GLRA1: variants seen among roughly 807,000 people sequenced by gnomAD.
The protein encoded by GLRA1 is glycine receptor subunit alpha-1.
A neutral mutation model predicts 48.3 loss-of-function variants in GLRA1; 37 were observed. The observed-to-expected ratio is 0.77, with a 90% CI of 0.59 to 1.01. The LOEUF is 1.01. Among genes scored for constraint, GLRA1 ranks in the 50% least tolerant of loss-of-function variants. The probability of loss-of-function intolerance (pLI) is 0.00; values close to 1 mark genes in which losing one functional copy is unlikely to be tolerated. For missense variants in GLRA1, 427 were observed against 571.0 expected (o/e 0.75, Z 2.57); for synonymous variants, 196 against 210.7 (o/e 0.93, Z 0.60).
intron 3 of GLRA1, among the ~76,000 whole-genome samples, chr5:151,878,850 A>G (rs1753691199): frequency 6.6e-6 from 1 of 152,230 alleles, no homozygotes; most frequent in Admixed American, 6.5e-5. Context: ...AGTCTGCTGC[A>G]GGGGTGGGGC....
intron 4 of GLRA1, among the ~76,000 whole-genome samples, chr5:151,858,735 T>C (rs1753114780): frequency 6.6e-6 from 1 of 151,038 alleles, no homozygotes; most frequent in African/African-American, 2.4e-5. Context: ...GTACAGCCTC[T>C]CCCACAGGCC....
chr5:151,874,085 A>G (rs1403258111), intron 3 of GLRA1, among the ~76,000 whole-genome samples: 2 of 152,124 alleles, frequency 1.3e-5, no homozygotes, highest in Non-Finnish European at 2.9e-5. Context: ...GGACAGGGAG[A>G]GCCGATCTCA....
intron 7 of GLRA1, 103 bp downstream of exon 7, chr5:151,851,287 G>A: frequency 1.3e-6 from 1 of 777,822 alleles, no homozygotes. Flanking sequence ...AGATAAATAA[G>A]TAGTGAATAA....
intron 1 of GLRA1, among the ~76,000 whole-genome samples, chr5:151,908,324 A>G (rs12110139): frequency 0.01 from 1,559 of 152,286 alleles, 31 homozygotes; most frequent in African/African-American, 0.036. Context: ...TTTGGAAAAT[A>G]TCTTCCTTTC....
chr5:151,859,319 C>G (rs1291598881), intron 4 of GLRA1, among the ~76,000 whole-genome samples: 16 of 152,208 alleles, frequency 1.1e-4, no homozygotes, highest in Non-Finnish European at 1.3e-4. Flanking sequence ...ATCTAAACCC[C>G]TAGACCCAGT....
chr5:151,882,491 G>A (rs1482892200), intron 3 of GLRA1, among the ~76,000 whole-genome samples: 1 of 152,212 alleles, frequency 6.6e-6, no homozygotes, highest in Non-Finnish European at 1.5e-5. Flanking sequence ...GCCACTTTGA[G>A]TGACAAGAAA....
intron 7 of GLRA1, chr5:151,849,161 T>TTTTCTTTC (rs1491380216): frequency 8.3e-6 from 1 of 120,554 alleles, no homozygotes; most frequent in African/African-American, 7.9e-5. Flanking sequence ...TCTTTTCTTT[T>TTTTCTTTC]CTTTTCTTTC....
At chr5:151,891,767 A>G (rs963372619) in intron 2 of GLRA1, among the ~76,000 whole-genome samples, 2 of 152,180 alleles carry the variant, frequency 1.3e-5, no homozygotes, top group Non-Finnish European at 1.5e-5. Flanking sequence ...TTTAGTTGGG[A>G]GCCCATTATT....
chr5:151,878,609 T>C (rs1025768795), intron 3 of GLRA1, among the ~76,000 whole-genome samples: 3 of 152,162 alleles, frequency 2.0e-5, no homozygotes, highest in African/African-American at 7.2e-5. Flanking sequence ...CCAGGGTCCC[T>C]GTGCTGTGTG....
intron 7 of GLRA1, chr5:151,849,728 AT>A (rs750241256): frequency 3.3e-6 from 1 of 303,082 alleles, no homozygotes. Flanking sequence ...AATTTTTTGT[AT>A]TTTTAGTAGA....
chr5:151,893,333 T>TTTCC (rs1754142579), intron 1 of GLRA1, among the ~76,000 whole-genome samples: 1 of 150,062 alleles, frequency 6.7e-6, no homozygotes, highest in African/African-American at 2.5e-5. Flanking sequence ...TCTTTCTTTC[T>TTTCC]TTCTTTCTTT....
At chr5:151,842,056 T>TAA (rs57043035) in intron 7 of GLRA1, among the ~76,000 whole-genome samples, 5 of 129,448 alleles carry the variant, frequency 3.9e-5, no homozygotes, top group African/African-American at 8.5e-5. Flanking sequence ...AAACTCCATC[T>TAA]AAAAAAAAAA....
intron 7 of GLRA1, chr5:151,849,896 A>G: frequency 2.0e-6 from 3 of 1,514,306 alleles, no homozygotes; most frequent in Non-Finnish European, 1.8e-6. Context: ...TGAAGGCTCC[A>G]ACAGTGACAT....
Position 151,912,262 on chromosome 5 carries a change from GTT to G in GLRA1, c.56+12230_56+12231del, listed in dbSNP as rs370730368. Among the ~76,000 whole-genome samples the G allele has an allele frequency of 3.4e-3, 417 of 121,618 alleles. 5 individuals are homozygous for G. The highest frequency in any genetic ancestry group is 0.012 in the African/African-American group (401 of 32,142). The allele number at this position is 121,618 out of a possible 152,430, so 79.8% of individuals were successfully genotyped here. ...CTCTTATTTGGCTCCTGTGAAGACT[GTT>G]TTTTTTTTTTTTTTTTCTACTAGAT... On this transcript the variant is annotated intron_variant, in intron 1 of 8. Transcript: ENST00000274576.
In GLRA1 at chr5:151,828,965, GT is replaced by G. The variant is rs1763348602; in HGVS notation, c.1014del (p.Gln338HisfsTer133). 6.2e-7 allele frequency: 1 copy of G among 1,614,016 alleles called. No individual in the cohort carries two copies. Among genetic ancestry groups the G allele is most frequent in the Non-Finnish European group, 8.5e-7 (1 of 1,180,014 alleles). ...EYAAVNFVSRQHKELLRFRRK... is the reference protein window; with the variant it reads ...EYAAVNFVSRXHKELLRFRRK... ...CTCCTGAATCGGAGCAGCTCCTTAT[GT>G]TGCCGAGACACAAAGTTAACGGCAG... On this transcript the variant is annotated frameshift_variant, in exon 8 of 9. Coordinates refer to ENST00000274576, the MANE Select transcript of GLRA1 (RefSeq NM_000171.4). LOFTEE classifies it high-confidence loss of function.
At chr5:151,876,626 T>C (rs1256915403) in intron 3 of GLRA1, among the ~76,000 whole-genome samples, 1 of 152,178 alleles carries the variant, frequency 6.6e-6, no homozygotes, top group African/African-American at 2.4e-5. Flanking sequence ...TACTCACTGA[T>C]GTCTGGTTCC....
intron 1 of GLRA1, among the ~76,000 whole-genome samples, chr5:151,901,642 A>G (rs978653425): frequency 5.3e-5 from 8 of 152,262 alleles, no homozygotes; most frequent in African/African-American, 1.9e-4. Flanking sequence ...TTTTGGGGAA[A>G]AAGATTGCAT....
intron 3 of GLRA1, among the ~76,000 whole-genome samples, chr5:151,864,450 T>G (rs1162178137): frequency 6.6e-6 from 1 of 152,228 alleles, no homozygotes; most frequent in East Asian, 1.9e-4. Flanking sequence ...TTGGAAAGGC[T>G]GAGAAATGTG....
At chr5:151,883,136 C>T (rs1753799459) in intron 3 of GLRA1, among the ~76,000 whole-genome samples, 1 of 152,230 alleles carries the variant, frequency 6.6e-6, no homozygotes, top group Non-Finnish European at 1.5e-5. Context: ...AGGGAGAAAA[C>T]TATGTCATTT....
Sources: allele counts gnomAD v4.1 joint callset (sites outside exome capture counted in the v4.1 genomes callset), GRCh38; gene constraint gnomAD v4.1.1; transcripts MANE v1.5; gene names NCBI Gene and HGNC (gene_info 2026-07-23, HGNC 2026-07-21).